SLC2A13: variants seen among roughly 807,000 people sequenced by gnomAD.
The protein encoded by SLC2A13 is proton myo-inositol cotransporter.
SLC2A13 carries 32 observed loss-of-function variants against 64.4 expected under a neutral mutation model. The ratio of observed to expected loss-of-function variants is 0.50; its 90% CI spans 0.37 to 0.67. SLC2A13 has a LOEUF of 0.67. SLC2A13 is among the 30% of genes least tolerant of loss of function. SLC2A13 has a pLI of 0.00. For missense variants in SLC2A13, 743 were observed against 829.2 expected, an observed-to-expected ratio of 0.90 and a Z score of 1.28; for synonymous variants, 338 against 327.1, an observed-to-expected ratio of 1.03 and a Z score of -0.36.
intron 3 of SLC2A13, among the ~76,000 whole-genome samples, chr12:39,978,772 G>A (rs1946821068): frequency 6.6e-6 from 1 of 152,134 alleles, no homozygotes; most frequent in African/African-American, 2.4e-5. Flanking sequence ...GCCCAGGCTT[G>A]CTTAGGTAAA....
intron 2 of SLC2A13, among the ~76,000 whole-genome samples, chr12:40,035,615 C>T (rs1049132312): frequency 3.9e-5 from 6 of 152,112 alleles, no homozygotes; most frequent in African/African-American, 1.4e-4. Context: ...GAATCTTTCA[C>T]GTTAAAAGCA....
chr12:39,830,063 A>C (rs768935294), intron 7 of SLC2A13, 40 bp downstream of exon 7: 1 of 1,612,066 alleles, frequency 6.2e-7, no homozygotes, highest in Non-Finnish European at 8.5e-7. Context: ...CTCGTTTTGA[A>C]ATATTATTAT....
chr12:40,028,200 C>T, intron 3 of SLC2A13, 101 bp downstream of exon 3: 3 of 549,780 alleles, frequency 5.5e-6, no homozygotes, highest in Admixed American at 3.8e-5. Flanking sequence ...TACATAAATA[C>T]CCATATATTA....
intron 3 of SLC2A13, among the ~76,000 whole-genome samples, chr12:39,954,967 C>T (rs1188102072): frequency 6.6e-6 from 1 of 152,126 alleles, no homozygotes; most frequent in Non-Finnish European, 1.5e-5. Flanking sequence ...CTGAAATTCA[C>T]CAAGGATATA....
chr12:39,915,034 A>G (rs560484394), intron 4 of SLC2A13, among the ~76,000 whole-genome samples: 1 of 152,108 alleles, frequency 6.6e-6, no homozygotes, highest in East Asian at 1.9e-4. Flanking sequence ...ATAATACATA[A>G]GACACATTTT....
intron 3 of SLC2A13, among the ~76,000 whole-genome samples, chr12:39,985,901 T>C (rs1025184079): frequency 8.5e-5 from 13 of 152,128 alleles, no homozygotes; most frequent in African/African-American, 3.1e-4. Context: ...TCAGCTGCTA[T>C]AATAGTGCCA....
chr12:40,008,060 A>G (rs904888348), intron 3 of SLC2A13, among the ~76,000 whole-genome samples: 19 of 152,224 alleles, frequency 1.2e-4, no homozygotes, highest in African/African-American at 4.6e-4. Context: ...CATATGTATA[A>G]TTCTGAACTA....
chr12:40,031,034 C>T (rs1399474728), intron 2 of SLC2A13, among the ~76,000 whole-genome samples: 1 of 152,100 alleles, frequency 6.6e-6, no homozygotes, highest in East Asian at 1.9e-4. Context: ...AATGAGAAAG[C>T]TTATTTTGTT....
At chr12:39,954,470 G>A (rs1565559838) in intron 3 of SLC2A13, among the ~76,000 whole-genome samples, 1 of 152,134 alleles carries the variant, frequency 6.6e-6, no homozygotes, top group Non-Finnish European at 1.5e-5. Context: ...TACTGGAAAG[G>A]GTTAGAGAAA....
intron 4 of SLC2A13, among the ~76,000 whole-genome samples, chr12:39,915,406 C>A (rs906460801): frequency 6.6e-6 from 1 of 151,818 alleles, no homozygotes; most frequent in Non-Finnish European, 1.5e-5. Context: ...ACTGGGTAGA[C>A]AATAATGATG....
chr12:39,761,034 A>G (rs1425807010), intron 9 of SLC2A13, among the ~76,000 whole-genome samples: 1 of 147,886 alleles, frequency 6.8e-6, no homozygotes, highest in Non-Finnish European at 1.5e-5. Flanking sequence ...GGTGGAAAAC[A>G]ACAAAGTAAA....
At chr12:39,943,168 C>T (rs1198284872) in intron 4 of SLC2A13, among the ~76,000 whole-genome samples, 4 of 152,182 alleles carry the variant, frequency 2.6e-5, no homozygotes, top group Non-Finnish European at 5.9e-5. Context: ...AGCCAGAGCT[C>T]TCCTGTATGA....
intron 7 of SLC2A13, among the ~76,000 whole-genome samples, chr12:39,798,627 C>T (rs936405207): frequency 6.6e-6 from 1 of 152,164 alleles, no homozygotes; most frequent in Non-Finnish European, 1.5e-5. Context: ...TGTTTGGCCT[C>T]GTGGCAGGGC....
At chr12:39,841,001 C>T (rs1267975519) in intron 6 of SLC2A13, among the ~76,000 whole-genome samples, 4 of 152,118 alleles carry the variant, frequency 2.6e-5, no homozygotes, top group Non-Finnish European at 5.9e-5. Context: ...GCTTGAATCA[C>T]ACCATGAATT....
intron 2 of SLC2A13, among the ~76,000 whole-genome samples, chr12:40,034,701 T>C (rs1947951605): frequency 6.6e-6 from 1 of 152,188 alleles, no homozygotes; most frequent in South Asian, 2.1e-4. Flanking sequence ...CAAGTTGGTA[T>C]TCTTTCACAA....
At chr12:39,997,687 C>T (rs756233143) in intron 3 of SLC2A13, among the ~76,000 whole-genome samples, 3 of 151,968 alleles carry the variant, frequency 2.0e-5, no homozygotes, top group African/African-American at 2.4e-5. Flanking sequence ...AAAAATTATC[C>T]GGGCATGGTG....
intron 4 of SLC2A13, among the ~76,000 whole-genome samples, chr12:39,876,375 T>C (rs1014340872): frequency 2.0e-5 from 3 of 152,168 alleles, no homozygotes; most frequent in Non-Finnish European, 4.4e-5. Flanking sequence ...ACAAAATACA[T>C]CTACTAAGTT....
intron 4 of SLC2A13, among the ~76,000 whole-genome samples, chr12:39,948,916 G>C (rs1565556889): frequency 1.3e-5 from 2 of 152,144 alleles, no homozygotes; most frequent in Non-Finnish European, 2.9e-5. Flanking sequence ...TAAATTACTA[G>C]ACTCTAATAG....
At chr12:40,054,895 A>G (rs1466314228) in intron 1 of SLC2A13, among the ~76,000 whole-genome samples, 2 of 152,228 alleles carry the variant, frequency 1.3e-5, no homozygotes. Context: ...GTAGCACATG[A>G]AGCTACCTTT....
Sources: allele counts gnomAD v4.1 joint callset (sites outside exome capture counted in the v4.1 genomes callset), GRCh38; gene constraint gnomAD v4.1.1; transcripts MANE v1.5; gene names NCBI Gene and HGNC (gene_info 2026-07-23, HGNC 2026-07-21).